FBXO16: variants seen among roughly 807,000 people sequenced by gnomAD.
FBXO16 encodes the protein F-box protein 16, also known as F-box only protein 16.
FBXO16 carries 31 observed loss-of-function variants against 41.0 expected under a neutral mutation model. The ratio of observed to expected loss-of-function variants is 0.76; its 90% CI spans 0.57 to 1.02. The LOEUF (loss-of-function observed/expected upper bound fraction) is 1.02. Ranked by LOEUF, FBXO16 falls within the 50% of genes least tolerant of loss-of-function variation. The pLI is 0.00. For missense variants in FBXO16, 361 were observed against 346.2 expected, an observed-to-expected ratio of 1.04 and a Z score of -0.34; for synonymous variants, 133 against 117.8, an observed-to-expected ratio of 1.13 and a Z score of -0.84.
intron 1 of FBXO16, among the ~76,000 whole-genome samples, chr8:28,485,263 C>T (rs1803584424): frequency 6.6e-6 from 1 of 152,166 alleles, no homozygotes; most frequent in African/African-American, 2.4e-5. Flanking sequence ...ACCTGCACCT[C>T]CCAGGTTCAA....
Position 28,484,999 on chromosome 8 carries a change from C to T in FBXO16, c.-16-1537G>A, listed in dbSNP as rs529647112. On this transcript the variant is annotated intron_variant, in intron 1 of 8. Coordinates refer to ENST00000380254, the MANE Select transcript of FBXO16 (RefSeq NM_172366.4). The stretch of plus-strand genomic sequence containing the variant: ...CAAGCGATCCTCCTGCCTCAGCTCC[C>T]CTAGTAGCTGATTGGGAGTAGTTTT... 3.9e-5 allele frequency among the ~76,000 whole-genome samples: 6 copies of T among 152,286 alleles called. No individual in the cohort carries two copies. In the East Asian group the frequency reaches 1.2e-3, roughly 29 times the overall value.
At chr8:28,478,682 G>A (rs535159224) in intron 2 of FBXO16, among the ~76,000 whole-genome samples, 31 of 152,192 alleles carry the variant, frequency 2.0e-4, no homozygotes, top group Admixed American at 5.9e-4. Flanking sequence ...AATTAGCCAG[G>A]TGTGGTGGTG....
Position 28,483,350 on chromosome 8 carries a change from G to A in FBXO16, c.97C>T (p.Arg33Trp), listed in dbSNP as rs377600824. The A allele has an allele frequency of 2.3e-5, 37 of 1,607,942 alleles. No individual in the cohort carries two copies. Among genetic ancestry groups the A allele is most frequent in the African/African-American group, 1.5e-4 (11 of 74,462 alleles). The change falls in exon 2 of 9, where the codon CGG (arginine) becomes TGG (tryptophan). Residue 33 changes from arginine (R) to tryptophan (W), a missense_variant and splice_region_variant. Transcript: ENST00000380254. Reference protein sequence around the residue: ...TPLNHQLLNDRVFEERRALLG... With the variant: ...TPLNHQLLNDWVFEERRALLG... ...TTAAAATAGTTCTGGTCACTTACCCGGTCATTCAATAGCTGATGGTTTAGG... is the reference window on the plus strand; with the variant it reads ...TTAAAATAGTTCTGGTCACTTACCCAGTCATTCAATAGCTGATGGTTTAGG...
chr8:28,457,802 C>T (rs137920539), intron 4 of FBXO16, among the ~76,000 whole-genome samples: 91 of 152,294 alleles, frequency 6.0e-4, no homozygotes, highest in African/African-American at 2.2e-3. Context: ...ATCACTGATA[C>T]TATGTGATGT....
intron 4 of FBXO16, among the ~76,000 whole-genome samples, chr8:28,458,768 T>A (rs1368345083): frequency 3.3e-5 from 5 of 152,082 alleles, no homozygotes; most frequent in Non-Finnish European, 5.9e-5. Context: ...TTAGATCACG[T>A]TTTGACCTGA....
chr8:28,445,846 A>ACATCCATT (rs1231465493), intron 7 of FBXO16, among the ~76,000 whole-genome samples: 149 of 152,312 alleles, frequency 9.8e-4, no homozygotes, highest in South Asian at 3.1e-3. Flanking sequence ...TTTATTCCTG[A>ACATCCATT]GTACGTACTT....
intron 4 of FBXO16, among the ~76,000 whole-genome samples, chr8:28,460,423 ATT>A (rs1174276709): frequency 1.2e-4 from 10 of 82,498 alleles, no homozygotes; most frequent in South Asian, 4.3e-4. Context: ...TACCTGGCTA[ATT>A]TTTTTTTTTT....
rs543796719 is a variant in FBXO16, at chr8:28,447,650, C to G, written c.741-377G>C. ...TATTGTGCATATGTATTTACTTGTACTTTTTAAAATGGAAGGAGTATGGCC... is the reference window on the plus strand; with the variant it reads ...TATTGTGCATATGTATTTACTTGTAGTTTTTAAAATGGAAGGAGTATGGCC... On this transcript the variant is annotated intron_variant, in intron 6 of 8. Transcript: ENST00000380254. 2.8e-4 allele frequency: 47 copies of G among 166,148 alleles called. No individual in the cohort carries two copies. The South Asian group carries it at 7.8e-3, about 27-fold the overall frequency. 10.3% of individuals were successfully genotyped at this position (166,148 alleles called of 1,614,324 possible). A position where few individuals can be genotyped will look rare whatever the true frequency, so the allele number is the denominator to read the frequency against.
At position 28,428,613 on chromosome 8, in the gene FBXO16, G is replaced by A; in HGVS notation, c.*114C>T. 4 of 1,551,876 alleles carry A rather than the reference G, an allele frequency of 2.6e-6. No homozygotes were observed. Among genetic ancestry groups the A allele is most frequent in the Non-Finnish European group, 3.5e-6 (4 of 1,147,200 alleles). Reference sequence around the variant, plus strand: ...ATGAGTCATGCTTGGGGCCCAGGGTGCCTGTGAGGATGCTGCATGAGAATT... The same window carrying A: ...ATGAGTCATGCTTGGGGCCCAGGGTACCTGTGAGGATGCTGCATGAGAATT... On this transcript the variant is annotated 3_prime_UTR_variant, in exon 9 of 9. Transcript: ENST00000380254.
At chr8:28,484,794 C>T (rs1360416548) in intron 1 of FBXO16, among the ~76,000 whole-genome samples, 1 of 152,036 alleles carries the variant, frequency 6.6e-6, no homozygotes, top group Non-Finnish European at 1.5e-5. Context: ...GGGGTTTCAC[C>T]GTGTTAGCCA....
chr8:28,450,763 T>G (rs531092154), intron 6 of FBXO16, among the ~76,000 whole-genome samples: 1 of 152,160 alleles, frequency 6.6e-6, no homozygotes, highest in East Asian at 1.9e-4. Flanking sequence ...ATGCCAGCAG[T>G]AGGCACCAAA....
At position 28,486,467 on chromosome 8, in the gene FBXO16, AC is replaced by A. The variant is rs1803604016; in HGVS notation, c.-16-3006del. On this transcript the variant is annotated intron_variant, in intron 1 of 8. Transcript: ENST00000380254. The stretch of plus-strand genomic sequence containing the variant: ...TCAAACTCCTGACCTCAGGTGATCC[AC>A]CAGCCTAAGCCTCCCAAAGTGCTGG... 2.6e-5 allele frequency among the ~76,000 whole-genome samples: 4 copies of A among 152,090 alleles called. No individual in the cohort carries two copies. The South Asian group carries it at 6.3e-4, about 24-fold the overall frequency.
At chr8:28,437,114 G>A (rs917276345) in intron 7 of FBXO16, among the ~76,000 whole-genome samples, 10 of 152,166 alleles carry the variant, frequency 6.6e-5, no homozygotes, top group Admixed American at 5.2e-4. Flanking sequence ...TAACAAATAC[G>A]TATATAACTA....
chr8:28,471,561 A>G (rs898930837), intron 3 of FBXO16, among the ~76,000 whole-genome samples: 1 of 152,156 alleles, frequency 6.6e-6, no homozygotes, highest in East Asian at 1.9e-4. Flanking sequence ...AAGATAAATT[A>G]TAAATATCTC....
chr8:28,451,819 A>G (rs6993485), intron 6 of FBXO16, among the ~76,000 whole-genome samples: 5,861 of 152,004 alleles, frequency 0.039, 135 homozygotes, highest in African/African-American at 0.049. Flanking sequence ...CCCTGTCTCT[A>G]CTAAAAATAC....
intron 2 of FBXO16, 141 bp from the exon 3 acceptor site, chr8:28,473,948 G>T: frequency 1.6e-6 from 1 of 638,498 alleles, no homozygotes; most frequent in Non-Finnish European, 2.7e-6. Flanking sequence ...TACTCCTGAG[G>T]TTATATATTT....
intron 7 of FBXO16, among the ~76,000 whole-genome samples, chr8:28,435,566 G>A (rs912434354): frequency 6.6e-6 from 1 of 152,124 alleles, no homozygotes; most frequent in Non-Finnish European, 1.5e-5. Flanking sequence ...CAGTTGGGTG[G>A]TTTCTCTCTC....
chr8:28,447,478 A>G lies in FBXO16; in HGVS notation c.741-205T>C. The stretch of plus-strand genomic sequence containing the variant: ...CACACAATGCAGTACTATGAGCTGC[A>G]AATGGAAAGCAGGATGTTTCTATAT... On this transcript the variant is annotated intron_variant, in intron 6 of 8. Coordinates refer to ENST00000380254, the MANE Select transcript of FBXO16 (RefSeq NM_172366.4). 18 of 512,746 alleles carry G rather than the reference A, an allele frequency of 3.5e-5. No individual in the cohort carries two copies. In the South Asian group the frequency reaches 4.2e-4, roughly 12 times the overall value. The allele number at this position is 512,746 out of a possible 1,614,324, so 31.8% of individuals were successfully genotyped here.
At chr8:28,430,974 A>G (rs1461060355) in intron 7 of FBXO16, among the ~76,000 whole-genome samples, 1 of 152,326 alleles carries the variant, frequency 6.6e-6, no homozygotes, top group Non-Finnish European at 1.5e-5. Flanking sequence ...TCCATCTCAA[A>G]AAATATAAAT....
Sources: allele counts gnomAD v4.1 joint callset (sites outside exome capture counted in the v4.1 genomes callset), GRCh38; gene constraint gnomAD v4.1.1; transcripts MANE v1.5; gene names NCBI Gene and HGNC (gene_info 2026-07-23, HGNC 2026-07-21).